The following OXTR variants were observed in gnomAD, a reference collection of about 807,000 sequenced individuals.
OXTR encodes the protein oxytocin receptor.
A neutral mutation model predicts 23.9 loss-of-function variants in OXTR; 19 were observed. The observed-to-expected ratio is 0.80, with a 90% CI of 0.56 to 1.17. The LOEUF is 1.17. OXTR is among the 50% of genes most tolerant of loss of function. The probability of loss-of-function intolerance (pLI) is 0.00; values close to 1 mark genes in which losing one functional copy is unlikely to be tolerated. For synonymous variants in OXTR, 278 were observed against 250.5 expected, an observed-to-expected ratio of 1.11 and a Z score of -1.04; for missense variants, 500 against 550.7, an observed-to-expected ratio of 0.91 and a Z score of 0.92.
At chr3:8,749,214 C>T (rs1018504271), downstream of OXTR, among the ~76,000 whole-genome samples, 10 of 152,044 alleles carry the variant, frequency 6.6e-5, no homozygotes, top group Admixed American at 2.0e-4. Context: ...GGTGTATATC[C>T]AGTGGGGCTA....
rs1708275645 is a variant in OXTR, at chr3:8,752,156, T to TG, written c.*820_*821insC. On this transcript the variant is annotated 3_prime_UTR_variant, in exon 4 of 4. Coordinates refer to ENST00000316793, the MANE Select transcript of OXTR (RefSeq NM_000916.4). The stretch of plus-strand genomic sequence containing the variant: ...GTTTTCATATTGTTTGTTGCTAGTA[T>TG]AAAGAAATACAATTCATTTTTGTAT... 1.3e-5 allele frequency: 2 copies of TG among 152,218 alleles called. No individual in the cohort carries two copies. Among genetic ancestry groups the TG allele is most frequent in the Admixed American group, 6.5e-5 (1 of 15,280 alleles). 9.4% of individuals were successfully genotyped at this position (152,218 alleles called of 1,614,324 possible).
In OXTR at chr3:8,768,254, C is replaced by T; in HGVS notation, c.-67G>A. ...ACGGCTTGGCGCGGCTGGGCCGGATCCGGCGTGTCGGAGGGTGTAGGGGCG... is the reference window on the plus strand; with the variant it reads ...ACGGCTTGGCGCGGCTGGGCCGGATTCGGCGTGTCGGAGGGTGTAGGGGCG... On this transcript the variant is annotated 5_prime_UTR_variant, in exon 3 of 4. Coordinates refer to ENST00000316793, the MANE Select transcript of OXTR (RefSeq NM_000916.4). This position sits in a 1 kb window ranked among gnomAD's most constrained non-coding sequence, Gnocchi z 5.4. The T allele has an allele frequency of 4.0e-6, 5 of 1,258,034 alleles. No homozygotes were observed. Among genetic ancestry groups the T allele is most frequent in the Non-Finnish European group, 5.0e-6 (5 of 1,006,486 alleles). 77.9% of individuals were successfully genotyped at this position (1,258,034 alleles called of 1,614,324 possible).
In OXTR at chr3:8,767,463, T is replaced by G; in HGVS notation, c.725A>C (p.Glu242Ala). 2 of 1,600,550 alleles carry G rather than the reference T, an allele frequency of 1.2e-6. No homozygotes were observed. Among genetic ancestry groups the G allele is most frequent in the South Asian group, 2.2e-5 (2 of 89,712 alleles). ...GCCAGCCGCCGCGCCCTCTGGCGCC[T>G]CGGCCGCCGCCGCTGCAGCGGTCTT... ...RLKTAAAAAA[E>A]APEGAAAGDG... The change falls in exon 3 of 4, where the codon GAG becomes GCG. Residue 242 changes from glutamate (E) to alanine (A), a missense_variant. Physicochemically the swap from Glu to Ala is moderately radical, Grantham distance 107. Transcript: ENST00000316793.
intron 3 of OXTR, among the ~76,000 whole-genome samples, chr3:8,753,694 T>C (rs1039261776): frequency 3.3e-5 from 5 of 152,170 alleles, no homozygotes; most frequent in Non-Finnish European, 7.4e-5. Flanking sequence ...TTTCCTAATC[T>C]TTAAATGGGC....
the OXTR span, among the ~76,000 whole-genome samples, chr3:8,743,925 T>A: frequency 3.9e-5 from 6 of 152,198 alleles, no homozygotes; most frequent in East Asian, 1.9e-4. Flanking sequence ...CCATTTTTTT[T>A]ATAATGAAAG....
At chr3:8,762,108 C>T (rs1266208224) in intron 3 of OXTR, among the ~76,000 whole-genome samples, 4 of 152,168 alleles carry the variant, frequency 2.6e-5, no homozygotes, top group African/African-American at 4.8e-5. Context: ...CACGCCAGCC[C>T]GGGGCCACAG....
the OXTR span, among the ~76,000 whole-genome samples, chr3:8,742,810 G>C: frequency 6.6e-6 from 1 of 152,206 alleles, no homozygotes; most frequent in Admixed American, 6.5e-5. Context: ...TGGATAGATG[G>C]ATAGATGAAT....
downstream of OXTR, among the ~76,000 whole-genome samples, chr3:8,749,302 T>C (rs1708216553): frequency 6.6e-6 from 1 of 152,198 alleles, no homozygotes; most frequent in Non-Finnish European, 1.5e-5. Flanking sequence ...GCCAGAGCTT[T>C]CACACGAAGA....
chr3:8,742,616 T>A, the OXTR span: 1 of 443,908 alleles, frequency 2.3e-6, no homozygotes, highest in South Asian at 1.6e-5. Flanking sequence ...AAGGAATAAT[T>A]ACCATCACTG....
chr3:8,753,289 C>A (rs1708309653), intron 3 of OXTR, 65 bp from the exon 4 acceptor site: 1 of 1,556,630 alleles, frequency 6.4e-7, no homozygotes, highest in African/African-American at 1.4e-5. Context: ...CACTTCCAGA[C>A]CTATCTGACT....
chr3:8,744,209 A>G, the OXTR span, among the ~76,000 whole-genome samples: 6 of 152,090 alleles, frequency 3.9e-5, no homozygotes, highest in Non-Finnish European at 5.9e-5. Flanking sequence ...TGTACTGGTA[A>G]CAACCATGGG....
At chr3:8,749,359 A>T (rs1037881142), downstream of OXTR, among the ~76,000 whole-genome samples, 1 of 152,088 alleles carries the variant, frequency 6.6e-6, no homozygotes, top group South Asian at 2.1e-4. Context: ...GAGTCTTATA[A>T]CTCCAGGGTT....
chr3:8,752,889 A>AC lies in OXTR; in HGVS notation c.*87dup, dbSNP rs1708292611. 5 of 1,382,706 alleles carry AC rather than the reference A, an allele frequency of 3.6e-6. No individual in the cohort carries two copies. In the East Asian group the frequency reaches 1.2e-4, roughly 34 times the overall value. The allele number at this position is 1,382,706 out of a possible 1,614,324, so 85.7% of individuals were successfully genotyped here. A position where few individuals can be genotyped will look rare whatever the true frequency, so the allele number is the denominator to read the frequency against. On this transcript the variant is annotated 3_prime_UTR_variant, in exon 4 of 4. Coordinates refer to ENST00000316793, the MANE Select transcript of OXTR (RefSeq NM_000916.4). ...GGATACAAACTGATAGGTACCTTAT[A>AC]CACAAACATACGCCATCACCTAGGA...
At chr3:8,755,346 A>C (rs1708349985) in intron 3 of OXTR, among the ~76,000 whole-genome samples, 1 of 152,248 alleles carries the variant, frequency 6.6e-6, no homozygotes, top group Non-Finnish European at 1.5e-5. Flanking sequence ...AAAGCTTTGC[A>C]ATGAGGTAGG....
At chr3:8,764,925 C>G (rs903496575) in intron 3 of OXTR, among the ~76,000 whole-genome samples, 1 of 152,206 alleles carries the variant, frequency 6.6e-6, no homozygotes. Flanking sequence ...GCAACACCCA[C>G]CCTTCCCTGT....
Position 8,768,152 on chromosome 3 carries a change from C to A in OXTR, c.36G>T (p.Glu12Asp), listed in dbSNP as rs1708680513. Residue 12 changes from glutamate (E) to aspartate (D), a missense_variant, in exon 3 of 4, where the codon GAG (glutamate) becomes GAT (aspartate). Coordinates refer to ENST00000316793, the MANE Select transcript of OXTR (RefSeq NM_000916.4). This position sits in a 1 kb window ranked among gnomAD's most constrained non-coding sequence, Gnocchi z 5.4. ...GCGGCGCGGCGCTGGCGTTGGCTGC[C>A]TCGGCGCTCCAGTTGGCTGCGAGCG... The part of the protein sequence containing the change: ...EGALAANWSA[E>D]AANASAAPPG... 1.5e-6 allele frequency: 2 copies of A among 1,336,754 alleles called. No homozygotes were observed. The highest frequency in any genetic ancestry group is 1.9e-6 in the Non-Finnish European group (2 of 1,052,592). 82.8% of individuals were successfully genotyped at this position (1,336,754 alleles called of 1,614,324 possible).
intron 3 of OXTR, among the ~76,000 whole-genome samples, chr3:8,755,589 T>C (rs1268816155): frequency 1.3e-5 from 2 of 152,196 alleles, no homozygotes; most frequent in Admixed American, 1.3e-4. Flanking sequence ...AAGAGGCTGG[T>C]CTGGGTGGGA....
chr3:8,742,741 TGGATGGATGGATGAAA>T, the OXTR span: 3 of 298,360 alleles, frequency 1.0e-5, no homozygotes, highest in South Asian at 8.2e-5. Context: ...GGTGGGTGGA[TGGATGGATGGATGAAA>T]GGATGGATGG....
Position 8,767,369 on chromosome 3 carries a change from C to A in OXTR, c.819G>T (p.Thr273=). ...VKLISKAKIR[T]VKMTFIIVLA... is the part of the protein sequence containing the mutation. ...GCACGATGATGAAAGTCATCTTGAC[C>A]GTGCGGATCTTGGCCTTGGAGATGA... The change falls in exon 3 of 4, where the codon ACG becomes ACT. Residue 273 remains threonine (T), a synonymous_variant. Transcript: ENST00000316793. 6 of 1,612,716 alleles carry A rather than the reference C, an allele frequency of 3.7e-6. No homozygotes were observed. Among genetic ancestry groups the A allele is most frequent in the Non-Finnish European group, 5.1e-6 (6 of 1,179,500 alleles).
Sources: allele counts gnomAD v4.1 joint callset (sites outside exome capture counted in the v4.1 genomes callset), GRCh38; gene constraint gnomAD v4.1.1; non-coding constraint Gnocchi (gnomAD v3.1); transcripts MANE v1.5; gene names NCBI Gene and HGNC (gene_info 2026-07-23, HGNC 2026-07-21).